NRG1: variants seen among roughly 807,000 people sequenced by gnomAD.
NRG1 encodes pro-neuregulin-1, membrane-bound isoform.
Under a neutral mutation model 63.8 loss-of-function variants are expected in NRG1, and 18 were observed. The ratio of observed to expected loss-of-function variants is 0.28; its 90% confidence interval spans 0.19 to 0.42. NRG1 has a LOEUF of 0.42. Ranked by LOEUF, NRG1 falls within the 10% of genes least tolerant of loss-of-function variation. The probability of loss-of-function intolerance (pLI) is 1.00; values close to 1 mark genes in which losing one functional copy is unlikely to be tolerated. For missense variants in NRG1, 762 were observed against 814.7 expected (o/e 0.94, Z 0.79); for synonymous variants, 302 against 301.3 (o/e 1.00, Z -0.02).
At chr8:32,219,966 A>G (rs1231406723) in intron 1 of NRG1, among the ~76,000 whole-genome samples, 2 of 152,192 alleles carry the variant, frequency 1.3e-5, no homozygotes, top group East Asian at 3.9e-4. Context: ...CACCAAGAAT[A>G]GAAGAGACAC....
intron 1 of NRG1, among the ~76,000 whole-genome samples, chr8:32,230,028 C>A (rs896352901): frequency 6.6e-6 from 1 of 152,066 alleles, no homozygotes; most frequent in Non-Finnish European, 1.5e-5. Context: ...AAAGTTTTCA[C>A]ACCTTGCCCT....
chr8:32,328,401 ACTTG>A (rs1802259030), intron 1 of NRG1, among the ~76,000 whole-genome samples: 1 of 151,792 alleles, frequency 6.6e-6, no homozygotes, highest in South Asian at 2.1e-4. Context: ...AAAACAAAAT[ACTTG>A]CTTTTACACT....
intron 1 of NRG1, among the ~76,000 whole-genome samples, chr8:31,779,703 A>G (rs553623994): frequency 1.3e-5 from 2 of 152,342 alleles, no homozygotes; most frequent in South Asian, 2.1e-4. Flanking sequence ...TAGTGGAAAT[A>G]GAAGCTGATA....
At chr8:32,524,879 A>G (rs982130657) in intron 1 of NRG1, among the ~76,000 whole-genome samples, 1 of 152,160 alleles carries the variant, frequency 6.6e-6, no homozygotes, top group South Asian at 2.1e-4. Flanking sequence ...ACATGAATAG[A>G]ATTTCATTTG....
intron 5 of NRG1, among the ~76,000 whole-genome samples, chr8:32,679,783 T>C (rs1453569819): frequency 6.6e-6 from 1 of 152,190 alleles, no homozygotes; most frequent in Non-Finnish European, 1.5e-5. Flanking sequence ...GAAAGCAAAA[T>C]AATGAGTTCA....
At chr8:32,089,863 T>G (rs1828845504) in intron 1 of NRG1, among the ~76,000 whole-genome samples, 1 of 152,226 alleles carries the variant, frequency 6.6e-6, no homozygotes. Context: ...TTCATAATAC[T>G]TTTTGAGACT....
intron 1 of NRG1, among the ~76,000 whole-genome samples, chr8:32,455,042 C>T (rs1353221084): frequency 6.6e-6 from 1 of 152,128 alleles, no homozygotes; most frequent in African/African-American, 2.4e-5. Flanking sequence ...TACCATATAG[C>T]CAAGGTGTGT....
chr8:32,026,958 G>A (rs1817476534), intron 1 of NRG1, among the ~76,000 whole-genome samples: 1 of 151,920 alleles, frequency 6.6e-6, no homozygotes, highest in Non-Finnish European at 1.5e-5. Context: ...CTCTGTATCA[G>A]TAACTTAATT....
At chr8:31,851,427 A>G (rs1404955744) in intron 1 of NRG1, among the ~76,000 whole-genome samples, 1 of 152,174 alleles carries the variant, frequency 6.6e-6, no homozygotes, top group Non-Finnish European at 1.5e-5. Flanking sequence ...TGAAATATCT[A>G]AAATGTAGAA....
chr8:31,959,303 A>T (rs183373494), intron 1 of NRG1, among the ~76,000 whole-genome samples: 1 of 152,312 alleles, frequency 6.6e-6, no homozygotes, highest in East Asian at 1.9e-4. Flanking sequence ...AATTAATCTG[A>T]TTACAAGTAT....
At chr8:32,655,374 T>C (rs572935117) in intron 5 of NRG1, among the ~76,000 whole-genome samples, 1 of 152,328 alleles carries the variant, frequency 6.6e-6, no homozygotes, top group African/African-American at 2.4e-5. Context: ...ATCACTTCAC[T>C]TGAGATTTAG....
intron 1 of NRG1, among the ~76,000 whole-genome samples, chr8:32,091,150 T>C (rs113119303): frequency 1.3e-5 from 2 of 150,326 alleles, no homozygotes; most frequent in Admixed American, 1.3e-4. Flanking sequence ...TAGTGGCGGG[T>C]GCCTGTAGTC....
intron 1 of NRG1, among the ~76,000 whole-genome samples, chr8:32,107,725 G>T (rs995863282): frequency 6.6e-6 from 1 of 152,174 alleles, no homozygotes; most frequent in Admixed American, 6.5e-5. Flanking sequence ...GTAGACTGTT[G>T]ATTGATATTC....
chr8:31,802,169 A>G (rs1821852842), intron 1 of NRG1, among the ~76,000 whole-genome samples: 1 of 152,228 alleles, frequency 6.6e-6, no homozygotes. Context: ...TCTTGCTTTT[A>G]GTCGTCTATT....
intron 5 of NRG1, among the ~76,000 whole-genome samples, chr8:32,674,878 T>G (rs1806645551): frequency 6.6e-6 from 1 of 152,176 alleles, no homozygotes; most frequent in East Asian, 1.9e-4. Flanking sequence ...ATATTTTGGT[T>G]GAGCCCAAGT....
intron 1 of NRG1, among the ~76,000 whole-genome samples, chr8:32,283,666 TTC>T (rs944334253): frequency 4.6e-5 from 7 of 152,196 alleles, no homozygotes; most frequent in Non-Finnish European, 7.3e-5. Context: ...CTATTAGAGT[TTC>T]TCTTTTAGGG....
chr8:32,155,241 C>T (rs1837925888), intron 1 of NRG1, among the ~76,000 whole-genome samples: 1 of 152,100 alleles, frequency 6.6e-6, no homozygotes, highest in South Asian at 2.1e-4. Context: ...CTACCCATCC[C>T]AACTCATAGC....
chr8:31,804,043 G>A (rs1000657931), intron 1 of NRG1, among the ~76,000 whole-genome samples: 3 of 152,038 alleles, frequency 2.0e-5, no homozygotes, highest in Non-Finnish European at 2.9e-5. Context: ...TTTCATAGCA[G>A]TAACTACTAA....
chr8:32,535,345 T>A (rs191063454), intron 1 of NRG1, among the ~76,000 whole-genome samples: 1 of 152,222 alleles, frequency 6.6e-6, no homozygotes, highest in East Asian at 1.9e-4. Context: ...TCGAGTTAAA[T>A]TGTTATTACT....
Sources: allele counts gnomAD v4.1 joint callset (sites outside exome capture counted in the v4.1 genomes callset), GRCh38; gene constraint gnomAD v4.1.1; transcripts MANE v1.5; gene names NCBI Gene and HGNC (gene_info 2026-07-23, HGNC 2026-07-21).